JDP2: variants seen among roughly 807,000 people sequenced by gnomAD.
JDP2 encodes Jun dimerization protein 2, also known as progesterone receptor co-activator.
A neutral mutation model predicts 17.1 loss-of-function variants in JDP2; 9 were observed. The observed-to-expected ratio is 0.53, with a 90% CI of 0.32 to 0.92. The LOEUF (loss-of-function observed/expected upper bound fraction) is 0.92. Ranked by LOEUF, JDP2 falls within the 40% of genes least tolerant of loss-of-function variation. JDP2 has a pLI of 0.04. For missense variants in JDP2, 179 were observed against 220.0 expected (o/e 0.81, Z 1.18); for synonymous variants, 107 against 95.6 (o/e 1.12, Z -0.69).
intron 1 of JDP2, among the ~76,000 whole-genome samples, chr14:75,435,842 CAGTA>C (rs1189735820): frequency 1.3e-5 from 2 of 152,066 alleles, no homozygotes; most frequent in Non-Finnish European, 2.9e-5. Context: ...ATGGGAGGCA[CAGTA>C]GGTAGAGCAC....
chr14:75,466,346 C>T (rs1380641683), intron 3 of JDP2, among the ~76,000 whole-genome samples: 2 of 152,164 alleles, frequency 1.3e-5, no homozygotes, highest in South Asian at 2.1e-4. Flanking sequence ...GTGGCTGAGG[C>T]ACGAGAATTG....
intron 1 of JDP2, 96 bp from the exon 2 acceptor site, chr14:75,437,802 G>T (rs1885138639): frequency 6.3e-6 from 5 of 794,344 alleles, no homozygotes; most frequent in Non-Finnish European, 9.6e-6. Context: ...GGGAACATTG[G>T]TGAAAGAAGC....
rs550826822 is a variant in JDP2, at chr14:75,446,685, A to G, written c.201+8564A>G. Among the ~76,000 whole-genome samples the G allele has an allele frequency of 4.6e-5, 7 of 152,302 alleles. No homozygotes were observed. In the South Asian group the frequency reaches 1.0e-3, roughly 23 times the overall value. ...ATGGGAGGAGTGGGGAGTGATGGCC[A>G]AGGGATATGAGGTTTCTTTTGGGGG... On this transcript the variant is annotated intron_variant, in intron 2 of 3. Transcript: ENST00000651602.
chr14:75,436,680 A>C (rs1009955041), intron 1 of JDP2, among the ~76,000 whole-genome samples: 1 of 152,230 alleles, frequency 6.6e-6, no homozygotes, highest in Non-Finnish European at 1.5e-5. Context: ...GGAGCCCTTT[A>C]AGGGACTGGC....
chr14:75,465,637 A>G (rs780062923), intron 3 of JDP2, among the ~76,000 whole-genome samples: 22 of 152,136 alleles, frequency 1.4e-4, no homozygotes, highest in Non-Finnish European at 2.4e-4. Context: ...GCCAATTCAA[A>G]CAATCTTAAT....
intron 3 of JDP2, 47 bp downstream of exon 3, chr14:75,461,577 G>C (rs1443881359): frequency 1.4e-6 from 2 of 1,405,802 alleles, no homozygotes; most frequent in Admixed American, 1.9e-5. Flanking sequence ...CTTGGAGTGA[G>C]CTTGTGTACT....
intron 1 of JDP2, chr14:75,432,257 C>T: frequency 6.7e-7 from 1 of 1,497,466 alleles, no homozygotes; most frequent in Non-Finnish European, 9.1e-7. Context: ...ATTCAGATTC[C>T]AAGAGAGAGG....
chr14:75,466,717 A>G (rs889928611), intron 3 of JDP2, among the ~76,000 whole-genome samples: 1 of 152,168 alleles, frequency 6.6e-6, no homozygotes, highest in African/African-American at 2.4e-5. Flanking sequence ...TTGCATGTCC[A>G]GTTTTAACTT....
In JDP2 at chr14:75,453,477, G is replaced by A. The variant is rs550824986; in HGVS notation, c.202-7949G>A. Among the ~76,000 whole-genome samples, 7 of 152,318 alleles carry A rather than the reference G, an allele frequency of 4.6e-5. No homozygotes were observed. The South Asian group carries it at 8.3e-4, about 18-fold the overall frequency. ...CTCCTTTCTGTGCCGCATTCTGCCCGGAGGCAGGCCAGTGTGCCGCTGCTG... is the reference window on the plus strand; with the variant it reads ...CTCCTTTCTGTGCCGCATTCTGCCCAGAGGCAGGCCAGTGTGCCGCTGCTG... On this transcript the variant is annotated intron_variant, in intron 2 of 3. Coordinates refer to ENST00000651602, the MANE Select transcript of JDP2 (RefSeq NM_001135048.2).
At chr14:75,439,849 G>A (rs1885253589) in intron 2 of JDP2, among the ~76,000 whole-genome samples, 1 of 152,128 alleles carries the variant, frequency 6.6e-6, no homozygotes. Flanking sequence ...TCATTCCACA[G>A]TAAAATTGCC....
intron 3 of JDP2, among the ~76,000 whole-genome samples, chr14:75,463,553 C>T (rs1886432542): frequency 6.6e-6 from 1 of 152,018 alleles, no homozygotes; most frequent in African/African-American, 2.4e-5. Flanking sequence ...ACAGCAGGGG[C>T]CCTGTCCTGG....
chr14:75,458,933 A>G (rs1260534900), intron 2 of JDP2, among the ~76,000 whole-genome samples: 6 of 152,176 alleles, frequency 3.9e-5, no homozygotes, highest in Admixed American at 2.0e-4. Context: ...AGAGGGGAGG[A>G]GGAGCGGCCC....
intron 3 of JDP2, among the ~76,000 whole-genome samples, chr14:75,465,388 G>A (rs1239682320): frequency 6.6e-6 from 1 of 152,172 alleles, no homozygotes; most frequent in Admixed American, 6.5e-5. Flanking sequence ...CTGGAGTGCA[G>A]TAGCATAGTC....
intron 2 of JDP2, among the ~76,000 whole-genome samples, chr14:75,441,691 A>G (rs1040829198): frequency 2.0e-5 from 3 of 152,142 alleles, no homozygotes; most frequent in African/African-American, 7.2e-5. Context: ...GGGTTGTGGG[A>G]TTTTTAAAGC....
At position 75,461,419 on chromosome 14, in the gene JDP2, C is replaced by T. The variant is rs781584247; in HGVS notation, c.202-7C>T. On this transcript the variant is annotated splice_polypyrimidine_tract_variant and splice_region_variant and intron_variant, in intron 2 of 3. Coordinates refer to ENST00000651602, the MANE Select transcript of JDP2 (RefSeq NM_001135048.2). ...AGTGTCTAATCAGTGGCTCTGTGCCCTCACAGCTAGATGAGGAAGAGGAGC... is the reference window on the plus strand; with the variant it reads ...AGTGTCTAATCAGTGGCTCTGTGCCTTCACAGCTAGATGAGGAAGAGGAGC... 2 of 1,598,676 alleles carry T rather than the reference C, an allele frequency of 1.3e-6. No individual in the cohort carries two copies. Among genetic ancestry groups the T allele is most frequent in the Admixed American group, 3.5e-5 (2 of 56,988 alleles).
chr14:75,433,169 T>A lies in JDP2; in HGVS notation c.-23-4729T>A, dbSNP rs1344641380. On this transcript the variant is annotated intron_variant, in intron 1 of 3. Coordinates refer to ENST00000651602, the MANE Select transcript of JDP2 (RefSeq NM_001135048.2). ...GAGATTGCACCACCGCACTCCAGCC[T>A]GGGCAACAAGAGTGAAACTCCGTCT... Among the ~76,000 whole-genome samples the A allele has an allele frequency of 4.3e-5, 4 of 93,662 alleles. No homozygotes were observed. In the Admixed American group the frequency reaches 7.1e-4, roughly 17 times the overall value. 61.4% of individuals were successfully genotyped at this position (93,662 alleles called of 152,430 possible).
intron 2 of JDP2, among the ~76,000 whole-genome samples, chr14:75,444,819 C>T (rs938169703): frequency 6.6e-6 from 1 of 152,184 alleles, no homozygotes; most frequent in Non-Finnish European, 1.5e-5. Flanking sequence ...TAGCCTATGA[C>T]CTGGGTTTCA....
chr14:75,463,956 A>G (rs1057035014), intron 3 of JDP2, among the ~76,000 whole-genome samples: 2 of 152,204 alleles, frequency 1.3e-5, no homozygotes, highest in East Asian at 3.8e-4. Context: ...CCTTCAAAAG[A>G]TCCCTCTGGC....
chr14:75,437,792 G>T, intron 1 of JDP2, 106 bp from the exon 2 acceptor site: 2 of 719,640 alleles, frequency 2.8e-6, no homozygotes, highest in Non-Finnish European at 2.2e-6. Flanking sequence ...AGGGATTCAG[G>T]GGAACATTGG....
Sources: allele counts gnomAD v4.1 joint callset (sites outside exome capture counted in the v4.1 genomes callset), GRCh38; gene constraint gnomAD v4.1.1; transcripts MANE v1.5; gene names NCBI Gene and HGNC (gene_info 2026-07-23, HGNC 2026-07-21).